Variants in GDPD2 observed in about 807,000 individuals in gnomAD.
GDPD2 encodes glycerophosphodiester phosphodiesterase 3.
GDPD2 carries 23 observed loss-of-function variants against 49.2 expected under a neutral mutation model. That is an observed-to-expected ratio of 0.47 (90% CI 0.34 to 0.66). GDPD2 has a LOEUF of 0.66. GDPD2 is among the 30% of genes least tolerant of loss of function. The pLI is 0.01. For missense variants in GDPD2, 338 were observed against 424.7 expected (o/e 0.80, Z 1.79); for synonymous variants, 167 against 171.4 (o/e 0.97, Z 0.20).
chrX:70,425,636 C>A, intron 3 of GDPD2, 127 bp from the exon 4 acceptor site: 1 of 551,489 alleles, frequency 1.8e-6, no homozygotes, highest in Non-Finnish European at 3.3e-6. Context: ...ATCCTTGGAG[C>A]CCCTGGCCAC....
intron 12 of GDPD2, chrX:70,431,183 G>A: frequency 1.1e-6 from 1 of 935,358 alleles, no homozygotes; most frequent in Non-Finnish European, 1.5e-6. Flanking sequence ...ATAGGGTTTG[G>A]TTCTCACCTT....
rs188082976 is a variant in GDPD2, at chrX:70,430,211, G to C, written c.1307+148G>C. 1.7e-3 allele frequency: 888 copies of C among 509,039 alleles called. 3 individuals carry two copies. Among genetic ancestry groups the C allele is most frequent in the Non-Finnish European group, 2.6e-3 (830 of 316,422 alleles). The allele number at this position is 509,039 out of a possible 1,213,427, so 42.0% of individuals were successfully genotyped here. ...TGCCATGTATCAGGTAGTATTGCAG[G>C]CTTTGGGGAAACAACACAGATAAGA... is the stretch of plus-strand genomic sequence containing the variant. On this transcript the variant is annotated intron_variant, in intron 12 of 15. Transcript: ENST00000374382.
intron 11 of GDPD2, 77 bp downstream of exon 11, chrX:70,429,791 C>T (rs929668981): frequency 1.9e-6 from 2 of 1,063,603 alleles, no homozygotes; most frequent in African/African-American, 3.7e-5. Context: ...GAGGCTGCCC[C>T]TACCCCCAGG....
intron 1 of GDPD2, among the ~76,000 whole-genome samples, chrX:70,423,781 G>A (rs1336775851): frequency 9.0e-6 from 1 of 110,740 alleles, no homozygotes; most frequent in East Asian, 2.9e-4. Context: ...CATAAAGAGG[G>A]CAGTTCAGAA....
Position 70,425,423 on chromosome X carries a change from C to G in GDPD2, c.175C>G (p.Leu59Val). 1 of 1,194,426 alleles carries G rather than the reference C, an allele frequency of 8.4e-7. No individual in the cohort carries two copies. The highest frequency in any genetic ancestry group is 1.1e-6 in the Non-Finnish European group (1 of 880,132). Residue 59 changes from leucine to valine, a missense_variant, in exon 3 of 16, where the codon CTC becomes GTC. Physicochemically the swap from Leu to Val is conservative, Grantham distance 32. Coordinates refer to ENST00000374382, the MANE Select transcript of GDPD2 (RefSeq NM_017711.4). ...LLSLSWLYIG[L>V]VLLNDLHNFN... ...TTCCCTGAGCTGGCTGTACATCGGG[C>G]TCGTCCTTCTCAATGACCTGCACAA...
chrX:70,429,359 A>G, intron 10 of GDPD2, 134 bp from the exon 11 acceptor site: 2 of 464,398 alleles, frequency 4.3e-6, no homozygotes, highest in Non-Finnish European at 7.4e-6. Context: ...AGAAGGCCAC[A>G]GTTTGGAAAA....
At position 70,433,313 on chromosome X, in the gene GDPD2, G is replaced by C. The variant is rs771755751; in HGVS notation, c.*227G>C. On this transcript the variant is annotated 3_prime_UTR_variant, in exon 16 of 16. Coordinates refer to ENST00000374382, the MANE Select transcript of GDPD2 (RefSeq NM_017711.4). ...TTTTGACCTGAGATGTTTGGGAAGAGAGTGAGTAATGAGAAGTTTCTCCTC... is the reference window on the plus strand; with the variant it reads ...TTTTGACCTGAGATGTTTGGGAAGACAGTGAGTAATGAGAAGTTTCTCCTC... 1.2e-5 allele frequency: 5 copies of C among 421,319 alleles called. No homozygotes were observed. The highest frequency in any genetic ancestry group is 2.1e-5 in the Non-Finnish European group (5 of 243,039). The allele number at this position is 421,319 out of a possible 1,213,427, so 34.7% of individuals were successfully genotyped here.
Position 70,433,030 on chromosome X carries a change from C to G in GDPD2, c.1568-4C>G. 2 of 1,202,313 alleles carry G rather than the reference C, an allele frequency of 1.7e-6. No homozygotes were observed. The highest frequency in any genetic ancestry group is 1.7e-5 in the African/African-American group (1 of 57,590). ...AGATGACCCACCCTCCCCCTCCTCCCCAGGCTTAGAAACAGCAGTGCTGCT... is the reference window on the plus strand; with the variant it reads ...AGATGACCCACCCTCCCCCTCCTCCGCAGGCTTAGAAACAGCAGTGCTGCT... On this transcript the variant is annotated splice_polypyrimidine_tract_variant and splice_region_variant and intron_variant, in intron 15 of 15. Transcript: ENST00000374382.
chrX:70,429,511 G>A lies in GDPD2; in HGVS notation c.955G>A (p.Ala319Thr). ...WFLERRPFWG[A>T]KPLAGPDQKE... ...CTTATAGAGGCGACCCTTCTGGGGGGCCAAACCGCTGGCAGGCCCTGATCA... is the reference window on the plus strand; with the variant it reads ...CTTATAGAGGCGACCCTTCTGGGGGACCAAACCGCTGGCAGGCCCTGATCA... Residue 319 changes from alanine (A) to threonine (T), a missense_variant, in exon 11 of 16, where the codon GCC becomes ACC. Around this residue, in one of 3 missense-constraint regions of GDPD2, gnomAD observed 253 missense variants for 330.4 expected, o/e 0.77. Transcript: ENST00000374382. 2.5e-6 allele frequency: 3 copies of A among 1,204,073 alleles called. No individual in the cohort carries two copies. Among genetic ancestry groups the A allele is most frequent in the South Asian group, 1.8e-5 (1 of 56,610 alleles).
At chrX:70,427,102 T>C (rs1182412959) in intron 8 of GDPD2, 35 bp from the exon 9 acceptor site, 1 of 1,178,765 alleles carries the variant, frequency 8.5e-7, no homozygotes, top group Non-Finnish European at 1.2e-6. Context: ...TCTCCCACCC[T>C]TCCCTGCTAC....
At chrX:70,430,526 G>A (rs2086466293) in intron 12 of GDPD2, among the ~76,000 whole-genome samples, 1 of 111,117 alleles carries the variant, frequency 9.0e-6, no homozygotes, top group Non-Finnish European at 1.9e-5. Flanking sequence ...AAGGGGAAGG[G>A]GAAGCTAGAG....
chrX:70,426,314 C>T, intron 5 of GDPD2, 57 bp from the exon 6 acceptor site: 4 of 1,037,879 alleles, frequency 3.9e-6, no homozygotes, highest in Non-Finnish European at 5.4e-6. Context: ...GAAGGAGCAG[C>T]TCACCAACCA....
Position 70,433,115 on chromosome X carries a change from C to G in GDPD2, c.*29C>G. ...CCCTGCCCTGCTTCCCCACCCAAGCCAGTCTACATTGCCCAAACAGCAAGG... is the reference window on the plus strand; with the variant it reads ...CCCTGCCCTGCTTCCCCACCCAAGCGAGTCTACATTGCCCAAACAGCAAGG... On this transcript the variant is annotated 3_prime_UTR_variant, in exon 16 of 16. Transcript: ENST00000374382. The G allele has an allele frequency of 9.0e-7, 1 of 1,109,683 alleles. No homozygotes were observed. The highest frequency in any genetic ancestry group is 1.2e-6 in the Non-Finnish European group (1 of 805,263). The allele number at this position is 1,109,683 out of a possible 1,213,427, so 91.5% of individuals were successfully genotyped here.
chrX:70,427,252 G>A, intron 9 of GDPD2, 33 bp downstream of exon 9: 1 of 1,199,391 alleles, frequency 8.3e-7, no homozygotes, highest in Non-Finnish European at 1.1e-6. Context: ...GGATCTGGGG[G>A]GCTGAAGGAC....
rs2086462242 is a variant in GDPD2, at chrX:70,430,060, T to G, written c.1304T>G (p.Ile435Ser). Residue 435 changes from isoleucine to serine, a missense_variant, in exon 12 of 16, where the codon ATC becomes AGC. By Grantham distance (142) the Ile-to-Ser change is moderately radical. This residue lies in a region of GDPD2 where 253 missense variants were observed against 330.4 expected (regional missense o/e 0.77). Transcript: ENST00000374382. ...TATCAAGATCTGCCACTATTGGATA[T>G]CAAGTGAGTGCTAGAGGAAAGGAAC... ...LPYQDLPLLD[I>S]KALHKDNVSV... 8.3e-7 allele frequency: 1 copy of G among 1,204,190 alleles called. No homozygotes were observed. The highest frequency in any genetic ancestry group is 1.7e-5 in the African/African-American group (1 of 57,675).
intron 10 of GDPD2, among the ~76,000 whole-genome samples, chrX:70,428,098 CACACACA>C (rs1230771408): frequency 2.0e-4 from 3 of 15,118 alleles, no homozygotes; most frequent in Admixed American, 1.5e-3. Context: ...TGGATACACA[CACACACA>C]CACACACACA....
rs150036537 is a variant in GDPD2, at chrX:70,425,776, C to T, written c.223C>T (p.Arg75Cys). Residue 75 changes from arginine (R) to cysteine (C), a missense_variant, in exon 4 of 16, where the codon CGC becomes TGC. Coordinates refer to ENST00000374382, the MANE Select transcript of GDPD2 (RefSeq NM_017711.4). ...CCCCTCCCACAGATTCCTCTTCCGCCGCTGGGGACACTGGATGGACTGGTC... is the reference window on the plus strand; with the variant it reads ...CCCCTCCCACAGATTCCTCTTCCGCTGCTGGGGACACTGGATGGACTGGTC... The part of the protein sequence containing the change: ...LHNFNEFLFR[R>C]WGHWMDWSLA... 73 of 1,185,957 alleles carry T rather than the reference C, an allele frequency of 6.2e-5. No homozygotes were observed. Among genetic ancestry groups the T allele is most frequent in the Middle Eastern group, 2.3e-4 (1 of 4,292 alleles).
At position 70,426,876 on chromosome X, in the gene GDPD2, T is replaced by C. The variant is rs1489691437; in HGVS notation, c.567T>C (p.Ile189=). 1 of 1,210,903 alleles carries C rather than the reference T, an allele frequency of 8.3e-7. No individual in the cohort carries two copies. Among genetic ancestry groups the C allele is most frequent in the Non-Finnish European group, 1.1e-6 (1 of 894,671 alleles). The change falls in exon 8 of 16, where the codon ATT becomes ATC. Residue 189 remains isoleucine (I), a synonymous_variant. Coordinates refer to ENST00000374382, the MANE Select transcript of GDPD2 (RefSeq NM_017711.4). The part of the protein sequence containing the change: ...FYRIHRRGPK[I]LLLLLFFGVV... ...CCCCACTCCCCACAGGTCCCAAGATTCTGCTACTGCTCCTATTTTTTGGAG... is the reference window on the plus strand; with the variant it reads ...CCCCACTCCCCACAGGTCCCAAGATCCTGCTACTGCTCCTATTTTTTGGAG...
At chrX:70,432,072 G>A (rs1344968193) in intron 12 of GDPD2, among the ~76,000 whole-genome samples, 1 of 112,121 alleles carries the variant, frequency 8.9e-6, no homozygotes, top group East Asian at 2.8e-4. Flanking sequence ...ACCCAGGGGA[G>A]AGACACATTG....
Sources: gnomAD v4.1 joint callset for allele counts (sites outside exome capture counted in the v4.1 genomes callset) on GRCh38, gnomAD v4.1.1 for gene constraint, gnomAD v4.1.1 regional missense constraint, MANE v1.5 for transcripts, NCBI Gene and HGNC (gene_info 2026-07-23, HGNC 2026-07-21) for gene names.